Variants in CDH20 observed in about 807,000 individuals in gnomAD.
CDH20 encodes the protein cadherin 20, also known as cadherin-20.
Under a neutral mutation model 74.2 loss-of-function variants are expected in CDH20, and 29 were observed. The observed-to-expected ratio is 0.39, with a 90% confidence interval of 0.29 to 0.53. The LOEUF (loss-of-function observed/expected upper bound fraction) is 0.53, where lower values mean the gene tolerates loss of function less well. Ranked by LOEUF, CDH20 falls within the 20% of genes least tolerant of loss-of-function variation. The pLI is 0.69. For missense variants in CDH20, 988 were observed against 1,048.3 expected (o/e 0.94, Z 0.79); for synonymous variants, 469 against 405.4 (o/e 1.16, Z -1.88).
chr18:61,457,560 A>G (rs1429446941), intron 1 of CDH20, among the ~76,000 whole-genome samples: 1 of 152,184 alleles, frequency 6.6e-6, no homozygotes, highest in Non-Finnish European at 1.5e-5. Flanking sequence ...TCTCCAAGAA[A>G]TTCAATGCCA....
chr18:61,488,377 C>T lies in CDH20; in HGVS notation c.-152-2025C>T, dbSNP rs563744890. ...CATAAAATATATATTTCTGGCTTAG[C>T]TCCATGATTTTTACATATGACCCAG... On this transcript the variant is annotated intron_variant, in intron 1 of 11. Coordinates refer to ENST00000262717, the MANE Select transcript of CDH20 (RefSeq NM_031891.4). Among the ~76,000 whole-genome samples, 23 of 152,246 alleles carry T rather than the reference C, an allele frequency of 1.5e-4. No homozygotes were observed. The South Asian group carries it at 4.1e-3, about 27-fold the overall frequency.
At chr18:61,486,993 A>G (rs977523976) in intron 1 of CDH20, among the ~76,000 whole-genome samples, 1 of 152,252 alleles carries the variant, frequency 6.6e-6, no homozygotes, top group Non-Finnish European at 1.5e-5. Flanking sequence ...AATTTACGTA[A>G]CAAACTAAAC....
chr18:61,508,057 T>C (rs548690281), intron 6 of CDH20, among the ~76,000 whole-genome samples: 1 of 152,348 alleles, frequency 6.6e-6, no homozygotes, highest in Non-Finnish European at 1.5e-5. Flanking sequence ...AGCTGCTGAA[T>C]GGCTGTTATC....
At chr18:61,466,858 C>A (rs74867168) in intron 1 of CDH20, among the ~76,000 whole-genome samples, 2,610 of 152,286 alleles carry the variant, frequency 0.017, 41 homozygotes, top group Non-Finnish European at 0.028. Context: ...TCTTCCCATG[C>A]CCTCCCCGCC....
At chr18:61,465,598 G>A (rs1160866897) in intron 1 of CDH20, among the ~76,000 whole-genome samples, 36 of 145,984 alleles carry the variant, frequency 2.5e-4, no homozygotes, top group Non-Finnish European at 9.1e-5. Flanking sequence ...ATTACATGGG[G>A]AAAAAAAAAA....
chr18:61,446,495 G>A (rs1033259059), intron 1 of CDH20, among the ~76,000 whole-genome samples: 2 of 152,144 alleles, frequency 1.3e-5, no homozygotes, highest in African/African-American at 2.4e-5. Context: ...TCCATGGTCA[G>A]GAATTTCATG....
intron 1 of CDH20, among the ~76,000 whole-genome samples, chr18:61,344,660 A>C (rs1910058490): frequency 6.6e-6 from 1 of 152,208 alleles, no homozygotes; most frequent in South Asian, 2.1e-4. Context: ...GTTAACTTTA[A>C]GTAAATGAGC....
chr18:61,462,285 A>ACC (rs1396234283), intron 1 of CDH20, among the ~76,000 whole-genome samples: 1 of 152,134 alleles, frequency 6.6e-6, no homozygotes, highest in African/African-American at 2.4e-5. Flanking sequence ...ATCACCTTGT[A>ACC]CCCCATAAAT....
intron 6 of CDH20, among the ~76,000 whole-genome samples, chr18:61,524,522 C>T (rs1291116333): frequency 1.3e-5 from 2 of 152,122 alleles, no homozygotes; most frequent in Non-Finnish European, 2.9e-5. Flanking sequence ...TTACTCATAA[C>T]CGTCAGAAAT....
At chr18:61,496,547 C>G (rs2144310029) in intron 2 of CDH20, among the ~76,000 whole-genome samples, 1 of 152,252 alleles carries the variant, frequency 6.6e-6, no homozygotes, top group South Asian at 2.1e-4. Context: ...TCAGCCCAGA[C>G]TCCAGGGCAC....
At chr18:61,359,880 A>G (rs1910631709) in intron 1 of CDH20, among the ~76,000 whole-genome samples, 2 of 152,180 alleles carry the variant, frequency 1.3e-5, no homozygotes, top group Admixed American at 6.5e-5. Flanking sequence ...TCTGATTTCC[A>G]AACTCCATCT....
intron 1 of CDH20, among the ~76,000 whole-genome samples, chr18:61,437,467 T>C (rs974045908): frequency 2.6e-4 from 39 of 152,306 alleles, no homozygotes; most frequent in African/African-American, 9.1e-4. Context: ...CATTATTAAA[T>C]ATTGTTAAAT....
intron 6 of CDH20, among the ~76,000 whole-genome samples, chr18:61,508,602 G>A (rs982528826): frequency 4.3e-4 from 65 of 152,246 alleles, no homozygotes; most frequent in African/African-American, 1.5e-3. Context: ...CATTTTCAGT[G>A]ACCTGGATGA....
chr18:61,347,031 T>G (rs1910134318), intron 1 of CDH20, among the ~76,000 whole-genome samples: 1 of 152,004 alleles, frequency 6.6e-6, no homozygotes, highest in African/African-American at 2.4e-5. Flanking sequence ...TTTTTGCTCT[T>G]GCTTTCTGTT....
chr18:61,549,193 C>A (rs1209527639), intron 10 of CDH20, among the ~76,000 whole-genome samples: 1 of 152,218 alleles, frequency 6.6e-6, no homozygotes, highest in African/African-American at 2.4e-5. Flanking sequence ...ACTCCCACAA[C>A]ACAATATGTG....
chr18:61,449,547 G>T (rs566037771), intron 1 of CDH20, among the ~76,000 whole-genome samples: 8 of 152,036 alleles, frequency 5.3e-5, no homozygotes, highest in Non-Finnish European at 8.8e-5. Flanking sequence ...TTGTCCAAGC[G>T]AATAGGTGGT....
intron 1 of CDH20, among the ~76,000 whole-genome samples, chr18:61,409,423 C>T (rs1912427069): frequency 6.6e-6 from 1 of 152,120 alleles, no homozygotes; most frequent in Non-Finnish European, 1.5e-5. Flanking sequence ...GAAGGGATGG[C>T]ACATCTCAGC....
chr18:61,436,234 A>T (rs1300246560), intron 1 of CDH20, among the ~76,000 whole-genome samples: 1 of 152,216 alleles, frequency 6.6e-6, no homozygotes, highest in Non-Finnish European at 1.5e-5. Context: ...ATAAACATTC[A>T]CATACAAGAT....
chr18:61,533,019 G>A (rs993330132), intron 7 of CDH20, among the ~76,000 whole-genome samples: 1 of 152,182 alleles, frequency 6.6e-6, no homozygotes, highest in Non-Finnish European at 1.5e-5. Context: ...AGTGGCTTAT[G>A]CCTGTAATCC....
Sources: allele counts gnomAD v4.1 joint callset (sites outside exome capture counted in the v4.1 genomes callset), GRCh38; gene constraint gnomAD v4.1.1; transcripts MANE v1.5; gene names NCBI Gene and HGNC (gene_info 2026-07-23, HGNC 2026-07-21).